The following CLIC5 variants were observed in gnomAD, a reference collection of about 807,000 sequenced individuals.
The protein encoded by CLIC5 is chloride intracellular channel protein 5.
CLIC5 carries 20 observed loss-of-function variants against 24.7 expected under a neutral mutation model. The ratio of observed to expected loss-of-function variants is 0.81; its 90% CI spans 0.57 to 1.18. CLIC5 has a LOEUF of 1.18. CLIC5 is among the 50% of genes most tolerant of loss of function. The pLI is 0.00. For synonymous variants in CLIC5, 159 were observed against 135.6 expected (o/e 1.17, Z -1.20); for missense variants, 341 against 326.1 (o/e 1.05, Z -0.35).
upstream of CLIC5, among the ~76,000 whole-genome samples, chr6:46,016,733 C>G (rs1285782452): frequency 1.3e-5 from 2 of 152,172 alleles, no homozygotes; most frequent in African/African-American, 4.8e-5. Flanking sequence ...CTAGAAGCTC[C>G]TCCTGCTCTC....
chr6:46,073,714 G>A (rs1047585583), intron 1 of CLIC5, among the ~76,000 whole-genome samples: 3 of 152,168 alleles, frequency 2.0e-5, no homozygotes, highest in Admixed American at 6.5e-5. Context: ...ATTCAACTTC[G>A]TCATCTGCTC....
At chr6:45,920,186 T>A (rs1763199560) in intron 4 of CLIC5, 1 of 978,278 alleles carries the variant, frequency 1.0e-6, no homozygotes, top group South Asian at 4.7e-5. Context: ...TCAGATATAA[T>A]TCTTAGTACT....
intron 1 of CLIC5, among the ~76,000 whole-genome samples, chr6:45,970,183 A>G (rs1183167819): frequency 6.6e-6 from 1 of 152,142 alleles, no homozygotes; most frequent in Non-Finnish European, 1.5e-5. Flanking sequence ...TGCCCCTGTC[A>G]TGTGGGCCCA....
intron 1 of CLIC5, among the ~76,000 whole-genome samples, chr6:46,005,451 A>G (rs1205287501): frequency 6.6e-6 from 1 of 152,200 alleles, no homozygotes; most frequent in Non-Finnish European, 1.5e-5. Flanking sequence ...ACCCTGCCTC[A>G]GATGCAGGGC....
chr6:45,958,810 C>G (rs1764753720), intron 1 of CLIC5, among the ~76,000 whole-genome samples: 1 of 152,062 alleles, frequency 6.6e-6, no homozygotes, highest in African/African-American at 2.4e-5. Context: ...TCAGCAGCAA[C>G]AAGCACAGGC....
chr6:45,889,558 A>G (rs1240340349), intron 6 of CLIC5, among the ~76,000 whole-genome samples: 2 of 152,216 alleles, frequency 1.3e-5, no homozygotes, highest in African/African-American at 4.8e-5. Flanking sequence ...ATTTTCTTGC[A>G]TCTGAATACA....
chr6:45,942,657 T>C (rs1764172318), intron 3 of CLIC5, among the ~76,000 whole-genome samples: 1 of 152,252 alleles, frequency 6.6e-6, no homozygotes, highest in South Asian at 2.1e-4. Context: ...TTGTTTGTTT[T>C]GATGTTTTTG....
intron 1 of CLIC5, among the ~76,000 whole-genome samples, chr6:46,028,116 T>C (rs1421668679): frequency 9.2e-5 from 14 of 152,128 alleles, no homozygotes; most frequent in African/African-American, 2.4e-5. Flanking sequence ...AACATTAATG[T>C]GGAAAGAGTC....
intron 1 of CLIC5, among the ~76,000 whole-genome samples, chr6:46,024,596 T>C (rs13328271): frequency 0.14 from 20,756 of 152,220 alleles, 1,523 homozygotes; most frequent in African/African-American, 0.18. Context: ...GATGTCTCAG[T>C]GCCTGAAACT....
At chr6:46,081,107 A>G (rs780769971), upstream of CLIC5, among the ~76,000 whole-genome samples, 51 of 152,324 alleles carry the variant, frequency 3.3e-4, no homozygotes, top group Middle Eastern at 3.4e-3. Context: ...AGAAAAATAA[A>G]ACCGAGGAAA....
chr6:45,977,878 T>C (rs1420448894), intron 1 of CLIC5, among the ~76,000 whole-genome samples: 7 of 152,218 alleles, frequency 4.6e-5, no homozygotes, highest in Non-Finnish European at 8.8e-5. Context: ...ACATCAACAA[T>C]GTGTGGGGTG....
intron 1 of CLIC5, among the ~76,000 whole-genome samples, chr6:46,027,485 T>C (rs1767367479): frequency 6.6e-6 from 1 of 152,206 alleles, no homozygotes; most frequent in Admixed American, 6.5e-5. Context: ...TATGTAATTA[T>C]ATTATTCAAC....
intron 1 of CLIC5, among the ~76,000 whole-genome samples, chr6:46,060,062 A>C (rs1312213905): frequency 6.6e-6 from 1 of 152,212 alleles, no homozygotes; most frequent in Non-Finnish European, 1.5e-5. Flanking sequence ...CAAATATTAA[A>C]AATAAAAAAA....
At chr6:46,048,789 G>A (rs1378066783) in intron 1 of CLIC5, among the ~76,000 whole-genome samples, 4 of 152,152 alleles carry the variant, frequency 2.6e-5, no homozygotes, top group East Asian at 1.9e-4. Flanking sequence ...TCTCCCGGGG[G>A]AAGAATGGGG....
chr6:45,931,644 G>A (rs1763740204), intron 4 of CLIC5, among the ~76,000 whole-genome samples: 2 of 152,094 alleles, frequency 1.3e-5, no homozygotes, highest in African/African-American at 2.4e-5. Context: ...TTTTGTTGTT[G>A]TTTCTTAGAG....
At chr6:45,919,146 T>C in intron 4 of CLIC5, 1 of 969,002 alleles carries the variant, frequency 1.0e-6, no homozygotes, top group Non-Finnish European at 1.2e-6. Flanking sequence ...ATCATCTAAA[T>C]AGTCCCCCTA....
intron 1 of CLIC5, among the ~76,000 whole-genome samples, chr6:45,987,921 C>T (rs575991948): frequency 4.6e-5 from 7 of 152,218 alleles, no homozygotes; most frequent in Non-Finnish European, 7.3e-5. Context: ...TAGTCAACTG[C>T]ATTCTGTCCC....
chr6:46,120,611 G>C, the CLIC5 span, among the ~76,000 whole-genome samples: 1 of 152,206 alleles, frequency 6.6e-6, no homozygotes. Flanking sequence ...AGAGAAGAAG[G>C]CTTCAGATGA....
intron 1 of CLIC5, among the ~76,000 whole-genome samples, chr6:45,965,566 A>G (rs1338346973): frequency 6.6e-6 from 1 of 152,210 alleles, no homozygotes; most frequent in Non-Finnish European, 1.5e-5. Context: ...GGTTCAGGAA[A>G]GTTGAAATCT....
Sources: gnomAD v4.1 joint callset for allele counts (sites outside exome capture counted in the v4.1 genomes callset) on GRCh38, gnomAD v4.1.1 for gene constraint, MANE v1.5 for transcripts, NCBI Gene and HGNC (gene_info 2026-07-23, HGNC 2026-07-21) for gene names.